PARD3B: variants seen among roughly 807,000 people sequenced by gnomAD.
PARD3B encodes the protein partitioning defective 3 homolog B.
PARD3B carries 103 observed loss-of-function variants against 130.2 expected under a neutral mutation model. The observed-to-expected ratio is 0.79, with a 90% confidence interval of 0.67 to 0.93. PARD3B has a LOEUF of 0.93. Among genes scored for constraint, PARD3B ranks in the 40% least tolerant of loss-of-function variants. The probability of loss-of-function intolerance (pLI) is 0.00; values close to 1 mark genes in which losing one functional copy is unlikely to be tolerated. For synonymous variants in PARD3B, 583 were observed against 553.2 expected (o/e 1.05, Z -0.76); for missense variants, 1,609 against 1,499.2 (o/e 1.07, Z -1.21).
chr2:205,186,157 A>G (rs1174990596), intron 14 of PARD3B, among the ~76,000 whole-genome samples: 1 of 152,194 alleles, frequency 6.6e-6, no homozygotes, highest in Non-Finnish European at 1.5e-5. Context: ...CATGGAGCTC[A>G]AAGAAAAGTG....
At chr2:204,861,145 A>G (rs2045168072) in intron 2 of PARD3B, among the ~76,000 whole-genome samples, 2 of 139,760 alleles carry the variant, frequency 1.4e-5, no homozygotes, top group African/African-American at 5.4e-5. Flanking sequence ...TTTTTCACCT[A>G]TTGCTACCTA....
At chr2:204,875,965 T>A (rs944200257) in intron 2 of PARD3B, among the ~76,000 whole-genome samples, 1 of 152,194 alleles carries the variant, frequency 6.6e-6, no homozygotes, top group African/African-American at 2.4e-5. Context: ...TTGCAGGGTC[T>A]TGCCTCAGTT....
At chr2:204,605,561 G>A (rs1436700858) in intron 1 of PARD3B, among the ~76,000 whole-genome samples, 1 of 152,096 alleles carries the variant, frequency 6.6e-6, no homozygotes, top group Non-Finnish European at 1.5e-5. Flanking sequence ...CTCCTATTAT[G>A]GAAGACTGTT....
intron 3 of PARD3B, among the ~76,000 whole-genome samples, chr2:204,995,529 C>A (rs1694095598): frequency 6.9e-6 from 1 of 144,214 alleles, no homozygotes; most frequent in Non-Finnish European, 1.5e-5. Flanking sequence ...TCCTTCATTT[C>A]AACTTTGGTG....
chr2:204,803,005 AAGAAT>A (rs1175769475), intron 2 of PARD3B, among the ~76,000 whole-genome samples: 2 of 151,204 alleles, frequency 1.3e-5, no homozygotes, highest in African/African-American at 4.9e-5. Flanking sequence ...AATAATAATA[AAGAAT>A]AGAGAAATGT....
intron 18 of PARD3B, among the ~76,000 whole-genome samples, chr2:205,387,212 A>G (rs976167772): frequency 3.3e-5 from 5 of 152,114 alleles, no homozygotes; most frequent in Non-Finnish European, 7.4e-5. Context: ...TTAAATAATC[A>G]TTGTTTTAGA....
chr2:204,581,261 C>G (rs1267752933), intron 1 of PARD3B, among the ~76,000 whole-genome samples: 1 of 152,172 alleles, frequency 6.6e-6, no homozygotes, highest in Non-Finnish European at 1.5e-5. Context: ...TCTGTTCTCT[C>G]TGAGGTCATC....
chr2:205,009,686 A>T (rs1695561069), intron 3 of PARD3B, among the ~76,000 whole-genome samples: 1 of 151,576 alleles, frequency 6.6e-6, no homozygotes, highest in South Asian at 2.1e-4. Context: ...AAAAAAAAAA[A>T]ATAGTGTACA....
At chr2:204,988,623 A>G (rs577111729) in intron 3 of PARD3B, among the ~76,000 whole-genome samples, 10 of 152,308 alleles carry the variant, frequency 6.6e-5, no homozygotes, top group Non-Finnish European at 1.2e-4. Context: ...CCTATTGTGT[A>G]CCCACAATAA....
At position 205,402,043 on chromosome 2, in the gene PARD3B, A is replaced by T. The variant is rs148845748; in HGVS notation, c.2741+920A>T. On this transcript the variant is annotated intron_variant, in intron 19 of 22. Transcript: ENST00000406610. ...TGTACTAAGAAAATCATATCTATTC[A>T]TTGTGTTTTCTAGCACAGAGGAGTC... Among the ~76,000 whole-genome samples the T allele has an allele frequency of 8.2e-3, 1,243 of 152,198 alleles. 19 individuals carry two copies. The highest frequency in any genetic ancestry group is 0.029 in the African/African-American group (1,193 of 41,538).
chr2:204,643,181 G>T (rs115712436), intron 1 of PARD3B, among the ~76,000 whole-genome samples: 4,447 of 143,624 alleles, frequency 0.031, 87 homozygotes, highest in African/African-American at 0.055. Context: ...GCTCCACCAT[G>T]TAAAGATTGT....
rs770251880 is a variant in PARD3B at position 205,518,338 on chromosome 2, T to TTTATC, written c.3180+18315_3180+18319dup. ...CCTTTACCATTATGTAATGCCCGTC[T>TTTATC]TTATCTTATCTTTTTGATCTTTGTT... On this transcript the variant is annotated intron_variant, in intron 21 of 22. Coordinates refer to ENST00000406610, the MANE Select transcript of PARD3B (RefSeq NM_001302769.2). 4.2e-4 allele frequency among the ~76,000 whole-genome samples: 64 copies of TTTATC among 152,178 alleles called. 1 individual carries two copies. Among genetic ancestry groups the TTTATC allele is most frequent in the Admixed American group, 1.3e-4 (2 of 15,282 alleles).
At chr2:204,828,945 G>A (rs1031147619) in intron 2 of PARD3B, among the ~76,000 whole-genome samples, 2 of 151,992 alleles carry the variant, frequency 1.3e-5, no homozygotes, top group African/African-American at 4.8e-5. Flanking sequence ...AAAATATAAG[G>A]GCCTGTGCAT....
intron 22 of PARD3B, among the ~76,000 whole-genome samples, chr2:205,602,749 CTTCTT>C (rs1370713561): frequency 2.0e-5 from 3 of 151,830 alleles, no homozygotes; most frequent in Non-Finnish European, 4.4e-5. Flanking sequence ...CTATTTGAGT[CTTCTT>C]TTCTTCTTTA....
chr2:204,673,714 T>G lies in PARD3B; in HGVS notation c.121-12467T>G, dbSNP rs1184542681. 1.3e-5 allele frequency among the ~76,000 whole-genome samples: 2 copies of G among 152,210 alleles called. No homozygotes were observed. Among genetic ancestry groups the G allele is most frequent in the African/African-American group, 4.8e-5 (2 of 41,464 alleles). ...TCCCCATCCTCCTCATCCTACTGTA[T>G]TTTATCTCTCAAATTGCTTATCACT... On this transcript the variant is annotated intron_variant, in intron 1 of 22. Coordinates refer to ENST00000406610, the MANE Select transcript of PARD3B (RefSeq NM_001302769.2). This position sits in a 1 kb window ranked among gnomAD's most constrained non-coding sequence, Gnocchi z 4.7.
intron 22 of PARD3B, among the ~76,000 whole-genome samples, chr2:205,595,702 G>A (rs1452738031): frequency 3.3e-5 from 5 of 152,074 alleles, no homozygotes; most frequent in Non-Finnish European, 7.4e-5. Flanking sequence ...ATTTGTTCAA[G>A]GAATAAATCA....
intron 22 of PARD3B, among the ~76,000 whole-genome samples, chr2:205,566,776 A>G (rs1415532910): frequency 6.6e-6 from 1 of 152,258 alleles, no homozygotes; most frequent in Non-Finnish European, 1.5e-5. Flanking sequence ...ACAGAGTCGC[A>G]TACTCAGAAA....
At chr2:205,289,756 T>C (rs1319221818) in intron 16 of PARD3B, among the ~76,000 whole-genome samples, 1 of 152,126 alleles carries the variant, frequency 6.6e-6, no homozygotes, top group Non-Finnish European at 1.5e-5. Context: ...TAATGGGTTA[T>C]TGAGGGAGTG....
chr2:205,593,679 T>C (rs2054470719), intron 22 of PARD3B, among the ~76,000 whole-genome samples: 1 of 152,176 alleles, frequency 6.6e-6, no homozygotes, highest in Admixed American at 6.5e-5. Context: ...GTCCCCCTTT[T>C]CTGAAGTGGG....
Sources: gnomAD v4.1 joint callset for allele counts (sites outside exome capture counted in the v4.1 genomes callset) on GRCh38, gnomAD v4.1.1 for gene constraint, Gnocchi (gnomAD v3.1) non-coding constraint, MANE v1.5 for transcripts, NCBI Gene and HGNC (gene_info 2026-07-23, HGNC 2026-07-21) for gene names.